The following DNAJB14 variants were observed in gnomAD, a reference collection of about 807,000 sequenced individuals.
The protein encoded by DNAJB14 is DnaJ heat shock protein family (Hsp40) member B14, also known as dnaJ homolog subfamily B member 14.
A neutral mutation model predicts 48.4 loss-of-function variants in DNAJB14; 22 were observed. That is an observed-to-expected ratio of 0.45 (90% CI 0.32 to 0.65). The LOEUF is 0.65. DNAJB14 is among the 30% of genes least tolerant of loss of function. DNAJB14 has a pLI of 0.03. For missense variants in DNAJB14, 319 were observed against 458.8 expected (o/e 0.70, Z 2.78); for synonymous variants, 142 against 158.7 (o/e 0.89, Z 0.79).
rs1725153739 is a variant in DNAJB14 at position 99,896,661 on chromosome 4, TTA to T, written c.*4365_*4366del. On this transcript the variant is annotated 3_prime_UTR_variant, in exon 8 of 8. Coordinates refer to ENST00000442697, the MANE Select transcript of DNAJB14 (RefSeq NM_001031723.4). ...ATACAGATAAACTGCAAAATATCAT[TTA>T]TGTGTGTTTCTTCTCATTGGTTTAA... 1.3e-5 allele frequency: 2 copies of T among 152,178 alleles called. No individual in the cohort carries two copies. The highest frequency in any genetic ancestry group is 2.9e-5 in the Non-Finnish European group (2 of 67,996). 9.4% of individuals were successfully genotyped at this position (152,178 alleles called of 1,614,324 possible). A position where few individuals can be genotyped will look rare whatever the true frequency, so the allele number is the denominator to read the frequency against.
intron 2 of DNAJB14, chr4:99,923,953 A>T: frequency 2.4e-6 from 2 of 826,952 alleles, no homozygotes; most frequent in East Asian, 1.2e-4. Context: ...CATTGTGATA[A>T]GCACATTTCT....
At chr4:99,940,562 G>T (rs1043320912) in intron 1 of DNAJB14, among the ~76,000 whole-genome samples, 1 of 152,232 alleles carries the variant, frequency 6.6e-6, no homozygotes, top group Admixed American at 6.5e-5. Flanking sequence ...CTGCACTCCA[G>T]CCTGGGCGAC....
intron 2 of DNAJB14, chr4:99,926,063 G>C (rs558925062): frequency 6.6e-6 from 1 of 152,198 alleles, no homozygotes; most frequent in South Asian, 2.1e-4. Flanking sequence ...TCTCTTCTTG[G>C]TTAGCTAGTT....
Position 99,923,193 on chromosome 4 carries a change from CAA to C in DNAJB14, c.306-10_306-9del. 6.2e-7 allele frequency: 1 copy of C among 1,604,076 alleles called. No individual in the cohort carries two copies. Among genetic ancestry groups the C allele is most frequent in the Non-Finnish European group, 8.5e-7 (1 of 1,175,724 alleles). ...TTTTTACATTTGTTTATGCTGTGAA[CAA>C]GAGAGTGTGTTATAATGTAAATTTC... is the stretch of plus-strand genomic sequence containing the variant. On this transcript the variant is annotated splice_polypyrimidine_tract_variant and intron_variant, in intron 2 of 7. Transcript: ENST00000442697.
At position 99,901,644 on chromosome 4, in the gene DNAJB14, A is replaced by T. The variant is rs554323990; in HGVS notation, c.1016-492T>A. 6.8e-4 allele frequency among the ~76,000 whole-genome samples: 103 copies of T among 151,784 alleles called. 1 individual carries two copies. Among genetic ancestry groups the T allele is most frequent in the East Asian group, 3.7e-3 (19 of 5,180 alleles). On this transcript the variant is annotated intron_variant, in intron 7 of 7. Coordinates refer to ENST00000442697, the MANE Select transcript of DNAJB14 (RefSeq NM_001031723.4). Reference sequence around the variant, plus strand: ...ATAATATTACTGAAGGAACACAGATAAAAAAAATGCTTGTTATACGATCGT... The same window carrying T: ...ATAATATTACTGAAGGAACACAGATTAAAAAAATGCTTGTTATACGATCGT...
At chr4:99,933,484 G>C (rs939486929) in intron 1 of DNAJB14, among the ~76,000 whole-genome samples, 1 of 151,608 alleles carries the variant, frequency 6.6e-6, no homozygotes, top group African/African-American at 2.4e-5. Flanking sequence ...TTTTAGTAGA[G>C]ATGGGGTTTC....
intron 2 of DNAJB14, chr4:99,928,014 G>C (rs1337375241): frequency 6.6e-6 from 1 of 152,088 alleles, no homozygotes; most frequent in East Asian, 1.9e-4. Context: ...GATTCTCTTA[G>C]AGACTGTTCC....
chr4:99,913,160 G>A (rs1372017782), intron 3 of DNAJB14, among the ~76,000 whole-genome samples: 1 of 152,114 alleles, frequency 6.6e-6, no homozygotes, highest in Non-Finnish European at 1.5e-5. Flanking sequence ...TTTCCAGTCT[G>A]TATGCCTTTT....
chr4:99,924,744 T>C, intron 2 of DNAJB14: 1 of 1,610,884 alleles, frequency 6.2e-7, no homozygotes, highest in African/African-American at 1.3e-5. Flanking sequence ...ATGGGGGGCA[T>C]TTATAAAATA....
intron 2 of DNAJB14, chr4:99,927,125 G>GC (rs1404915995): frequency 6.6e-6 from 1 of 152,080 alleles, no homozygotes; most frequent in Non-Finnish European, 1.5e-5. Flanking sequence ...AAATTAAAAA[G>GC]GAGTAACCCA....
At chr4:99,922,755 A>G (rs1054448122) in intron 3 of DNAJB14, 9 of 240,296 alleles carry the variant, frequency 3.7e-5, no homozygotes, top group Non-Finnish European at 7.2e-5. Context: ...CTCATGCATA[A>G]TCATCACCCT....
rs1725269599 is a variant in DNAJB14 at position 99,900,752 on chromosome 4, CA to C, written c.*275del. On this transcript the variant is annotated 3_prime_UTR_variant, in exon 8 of 8. Coordinates refer to ENST00000442697, the MANE Select transcript of DNAJB14 (RefSeq NM_001031723.4). ...GAATCACTAAAACTGGAAATTGCTA[CA>C]GGTGTGATAATCCTTTCTCATGACA... The C allele has an allele frequency of 8.0e-6, 2 of 250,652 alleles. No homozygotes were observed. Among genetic ancestry groups the C allele is most frequent in the African/African-American group, 4.5e-5 (2 of 44,890 alleles). The allele number at this position is 250,652 out of a possible 1,614,324, so 15.5% of individuals were successfully genotyped here.
At position 99,906,630 on chromosome 4, in the gene DNAJB14, G is replaced by C. The variant is rs1578213566; in HGVS notation, c.638-19C>G. ...ACACTACCTAAAAAATTAAAAGCAA[G>C]GTTAAATTAGGGAGAGCAATTATGA... On this transcript the variant is annotated intron_variant, in intron 4 of 7. Coordinates refer to ENST00000442697, the MANE Select transcript of DNAJB14 (RefSeq NM_001031723.4). 2 of 1,574,794 alleles carry C rather than the reference G, an allele frequency of 1.3e-6. No individual in the cohort carries two copies. The highest frequency in any genetic ancestry group is 2.2e-5 in the East Asian group (1 of 44,554).
At chr4:99,934,789 CAAAAAAAAAA>C (rs1167945149) in intron 1 of DNAJB14, among the ~76,000 whole-genome samples, 2 of 6,776 alleles carry the variant, frequency 3.0e-4, no homozygotes, top group African/African-American at 6.2e-4. Context: ...AAGACTGTCT[CAAAAAAAAAA>C]AAAAAAAAAA....
chr4:99,944,820 G>A (rs975159330), intron 1 of DNAJB14, among the ~76,000 whole-genome samples: 7 of 151,982 alleles, frequency 4.6e-5, no homozygotes, highest in African/African-American at 1.7e-4. Context: ...CAAATGATCC[G>A]CCCGCCTCGG....
At chr4:99,923,699 A>C in intron 2 of DNAJB14, 3 of 983,342 alleles carry the variant, frequency 3.1e-6, no homozygotes, top group Non-Finnish European at 3.6e-6. Context: ...TTTAAATGTC[A>C]ATATTTATTT....
chr4:99,939,100 G>A (rs191650286), intron 1 of DNAJB14, among the ~76,000 whole-genome samples: 126 of 152,306 alleles, frequency 8.3e-4, no homozygotes, highest in African/African-American at 2.9e-3. Flanking sequence ...AGTGGCTCAC[G>A]CCTGTAATCC....
At chr4:99,911,513 A>G (rs1718449619) in intron 3 of DNAJB14, among the ~76,000 whole-genome samples, 1 of 151,876 alleles carries the variant, frequency 6.6e-6, no homozygotes, top group Admixed American at 6.6e-5. Context: ...TTAACAATGT[A>G]TGAGTGATCC....
Position 99,900,133 on chromosome 4 carries a change from GA to G in DNAJB14, c.*894del, listed in dbSNP as rs537049917. On this transcript the variant is annotated 3_prime_UTR_variant, in exon 8 of 8. Transcript: ENST00000442697. ...TGGATCCTGCTTAAATGATCACCAA[GA>G]AACTGCAAATTTCTATGGGGGAAAA... is the stretch of plus-strand genomic sequence containing the variant. 1.9e-3 allele frequency: 291 copies of G among 152,398 alleles called. 1 individual carries two copies. The highest frequency in any genetic ancestry group is 2.3e-3 in the Non-Finnish European group (155 of 67,820). The allele number at this position is 152,398 out of a possible 1,614,324, so 9.4% of individuals were successfully genotyped here. A position where few individuals can be genotyped will look rare whatever the true frequency, so the allele number is the denominator to read the frequency against.
Sources: gnomAD v4.1 joint callset for allele counts (sites outside exome capture counted in the v4.1 genomes callset) on GRCh38, gnomAD v4.1.1 for gene constraint, MANE v1.5 for transcripts, NCBI Gene and HGNC (gene_info 2026-07-23, HGNC 2026-07-21) for gene names.